SHANK2: variants seen among roughly 807,000 people sequenced by gnomAD.
The protein encoded by SHANK2 is SH3 and multiple ankyrin repeat domains 2.
SHANK2 carries 43 observed loss-of-function variants against 133.7 expected under a neutral mutation model. The observed-to-expected ratio is 0.32, with a 90% CI of 0.25 to 0.41. The LOEUF is 0.41. Ranked by LOEUF, SHANK2 falls within the 10% of genes least tolerant of loss-of-function variation. The pLI is 1.00. For synonymous variants in SHANK2, 1,017 were observed against 952.8 expected (o/e 1.07, Z -1.24); for missense variants, 1,994 against 2,235.8 (o/e 0.89, Z 2.18).
At position 70,489,478 on chromosome 11, in the gene SHANK2, T is replaced by C; in HGVS notation, c.2552-130A>G. 4.6e-6 allele frequency: 4 copies of C among 861,688 alleles called. No homozygotes were observed. In the South Asian group the frequency reaches 5.3e-5, roughly 11 times the overall value. The allele number at this position is 861,688 out of a possible 1,614,324, so 53.4% of individuals were successfully genotyped here. A position where few individuals can be genotyped will look rare whatever the true frequency, so the allele number is the denominator to read the frequency against. ...ACCTCCACGGCCACTTACTGCCTAG[T>C]GACTGCCTACAGTTATCCACCTGAG... On this transcript the variant is annotated intron_variant, in intron 23 of 25. Coordinates refer to ENST00000601538, the MANE Select transcript of SHANK2 (RefSeq NM_012309.5).
intron 6 of SHANK2, among the ~76,000 whole-genome samples, chr11:71,095,168 T>G (rs782127082): frequency 1.3e-5 from 2 of 152,204 alleles, no homozygotes; most frequent in African/African-American, 2.4e-5. Flanking sequence ...AAATGAGACA[T>G]GAAGTCCGTG....
intron 11 of SHANK2, among the ~76,000 whole-genome samples, chr11:70,874,626 C>A: frequency 7.6e-6 from 1 of 131,296 alleles, no homozygotes; most frequent in African/African-American, 2.9e-5. Flanking sequence ...TATCCAAATC[C>A]AATAAAATAG....
At chr11:70,564,061 GGCT>G (rs1297595079) in intron 17 of SHANK2, among the ~76,000 whole-genome samples, 6 of 151,804 alleles carry the variant, frequency 4.0e-5, no homozygotes, top group Admixed American at 6.6e-5. Flanking sequence ...ATCCCCATGT[GGCT>G]GCTTTTAACA....
intron 14 of SHANK2, among the ~76,000 whole-genome samples, chr11:70,726,690 C>T (rs1046353972): frequency 6.6e-6 from 1 of 152,228 alleles, no homozygotes; most frequent in Non-Finnish European, 1.5e-5. Flanking sequence ...CCTGAACCTA[C>T]ACCCGTATGC....
chr11:70,761,005 G>A (rs893022907), intron 14 of SHANK2, among the ~76,000 whole-genome samples: 3 of 152,270 alleles, frequency 2.0e-5, no homozygotes, highest in South Asian at 2.1e-4. Context: ...TGGAGGTGCC[G>A]GCTTTCCAGG....
chr11:70,948,321 C>T, intron 10 of SHANK2: 2 of 457,328 alleles, frequency 4.4e-6, no homozygotes, highest in African/African-American at 2.0e-5. Flanking sequence ...TTCCAGAGAG[C>T]AGAGTGTGGT....
chr11:71,213,338 G>A (rs782244159), intron 2 of SHANK2, among the ~76,000 whole-genome samples: 2 of 152,122 alleles, frequency 1.3e-5, no homozygotes, highest in African/African-American at 2.4e-5. Flanking sequence ...ATACTCTTTC[G>A]TCCCTCTATT....
chr11:70,849,735 C>T (rs536388419), intron 11 of SHANK2, among the ~76,000 whole-genome samples: 1 of 152,238 alleles, frequency 6.6e-6, no homozygotes, highest in South Asian at 2.1e-4. Context: ...AGTGTTGGGT[C>T]AAATCTGTTA....
chr11:70,595,479 C>A (rs1401900630), intron 17 of SHANK2, among the ~76,000 whole-genome samples: 1 of 152,152 alleles, frequency 6.6e-6, no homozygotes, highest in Admixed American at 6.5e-5. Flanking sequence ...CCCAGCTTGG[C>A]TCACTCTCTC....
chr11:71,242,421 G>A (rs1954906579), intron 1 of SHANK2, among the ~76,000 whole-genome samples: 2 of 152,164 alleles, frequency 1.3e-5, no homozygotes, highest in African/African-American at 4.8e-5. Flanking sequence ...TATAAAATGT[G>A]CATTGGGAAA....
intron 8 of SHANK2, among the ~76,000 whole-genome samples, chr11:71,084,263 A>G (rs1360021731): frequency 6.6e-6 from 1 of 152,092 alleles, no homozygotes; most frequent in Non-Finnish European, 1.5e-5. Context: ...AAGCCACCGC[A>G]CCCGGCCCGA....
rs546734688 is a variant in SHANK2 at position 70,663,990 on chromosome 11, G to A, written c.1854-2312C>T. 2.6e-5 allele frequency among the ~76,000 whole-genome samples: 4 copies of A among 152,332 alleles called. No homozygotes were observed. In the East Asian group the frequency reaches 7.7e-4, roughly 29 times the overall value. ...GGGTCAGATGAGGCCATGCCATGCTGGTGTGGTGTAATAGGATGCCTCAGG... is the reference window on the plus strand; with the variant it reads ...GGGTCAGATGAGGCCATGCCATGCTAGTGTGGTGTAATAGGATGCCTCAGG... On this transcript the variant is annotated intron_variant, in intron 15 of 25. Coordinates refer to ENST00000601538, the MANE Select transcript of SHANK2 (RefSeq NM_012309.5).
chr11:70,820,635 G>C lies in SHANK2; in HGVS notation c.1222C>G (p.Pro408Ala). Residue 408 changes from proline to alanine, a missense_variant, in exon 12 of 26, where the codon CCC becomes GCC. Coordinates refer to ENST00000601538, the MANE Select transcript of SHANK2 (RefSeq NM_012309.5). ...PAYSNRRRRP[P>A]NTLAAPRVLL... is the part of the protein sequence containing the mutation. ...ACCCGGGGGGCGGCCAGCGTGTTGGGGGGCCGCCGCCGGCGGTTGGAGTAC... is the reference window on the plus strand; with the variant it reads ...ACCCGGGGGGCGGCCAGCGTGTTGGCGGGCCGCCGCCGGCGGTTGGAGTAC... 1.4e-6 allele frequency: 1 copy of C among 710,102 alleles called. No individual in the cohort carries two copies. The highest frequency in any genetic ancestry group is 2.6e-6 in the Non-Finnish European group (1 of 380,918). 44.0% of individuals were successfully genotyped at this position (710,102 alleles called of 1,614,324 possible).
At chr11:70,883,167 G>A (rs1199854837) in intron 11 of SHANK2, among the ~76,000 whole-genome samples, 2 of 152,236 alleles carry the variant, frequency 1.3e-5, no homozygotes, top group Non-Finnish European at 2.9e-5. Context: ...CAGTGAAGGC[G>A]CCTCCCTAAC....
chr11:70,836,480 G>A (rs1314420736), intron 11 of SHANK2, among the ~76,000 whole-genome samples: 1 of 152,206 alleles, frequency 6.6e-6, no homozygotes, highest in Non-Finnish European at 1.5e-5. Context: ...AGGACTTCCT[G>A]TGGGTGGCCC....
At chr11:70,555,913 G>C (rs2059822508) in intron 17 of SHANK2, among the ~76,000 whole-genome samples, 1 of 152,214 alleles carries the variant, frequency 6.6e-6, no homozygotes, top group Non-Finnish European at 1.5e-5. Context: ...GTCTATGAAG[G>C]CTGAGAGAGG....
chr11:70,803,983 T>G (rs1555051270), intron 13 of SHANK2, among the ~76,000 whole-genome samples: 1 of 151,924 alleles, frequency 6.6e-6, no homozygotes, highest in East Asian at 1.9e-4. Context: ...GCGGAGGAGA[T>G]GTAAATTAAC....
chr11:70,657,946 C>T (rs1555012049), intron 17 of SHANK2, among the ~76,000 whole-genome samples: 3 of 152,128 alleles, frequency 2.0e-5, no homozygotes, highest in Admixed American at 6.6e-5. Context: ...ACTGAGGCTC[C>T]GCTCACTGGG....
At chr11:71,191,931 G>A (rs1953801836) in intron 2 of SHANK2, among the ~76,000 whole-genome samples, 1 of 152,042 alleles carries the variant, frequency 6.6e-6, no homozygotes, top group African/African-American at 2.4e-5. Context: ...CGTGATCTCA[G>A]TTCACTGTAA....
Sources: allele counts gnomAD v4.1 joint callset (sites outside exome capture counted in the v4.1 genomes callset), GRCh38; gene constraint gnomAD v4.1.1; transcripts MANE v1.5; gene names NCBI Gene and HGNC (gene_info 2026-07-23, HGNC 2026-07-21).